The following POU6F2 variants were observed in gnomAD, a reference collection of about 807,000 sequenced individuals.
POU6F2 encodes the protein POU class 6 homeobox 2.
In POU6F2, 31 loss-of-function variants were observed where a neutral mutation model predicts 71.3. The observed-to-expected ratio is 0.43, with a 90% CI of 0.33 to 0.59. The LOEUF (loss-of-function observed/expected upper bound fraction) is 0.59. POU6F2 is among the 20% of genes least tolerant of loss of function. The pLI, the probability that POU6F2 is intolerant of heterozygous loss-of-function variation, is 0.04. For missense variants in POU6F2, 783 were observed against 856.8 expected (o/e 0.91, Z 1.07); for synonymous variants, 347 against 355.7 (o/e 0.98, Z 0.27).
intron 2 of POU6F2, among the ~76,000 whole-genome samples, chr7:39,130,147 GGTGTGTGT>G (rs10600961): frequency 4.4e-4 from 63 of 143,388 alleles, no homozygotes; most frequent in East Asian, 1.6e-3. Flanking sequence ...GAAAGGGGTA[GGTGTGTGT>G]GTGTGTGTGT....
chr7:39,195,089 G>T (rs1236657389), intron 2 of POU6F2, among the ~76,000 whole-genome samples: 1 of 152,174 alleles, frequency 6.6e-6, no homozygotes, highest in Non-Finnish European at 1.5e-5. Flanking sequence ...AGTAGCACAT[G>T]ACAATTAAAA....
At chr7:39,304,326 CT>C (rs1427781452) in intron 4 of POU6F2, among the ~76,000 whole-genome samples, 4 of 152,144 alleles carry the variant, frequency 2.6e-5, no homozygotes, top group African/African-American at 9.7e-5. Context: ...CTCTGGAGAG[CT>C]TTTGAGAATT....
chr7:39,264,711 T>A (rs755921680), intron 4 of POU6F2, among the ~76,000 whole-genome samples: 4 of 152,154 alleles, frequency 2.6e-5, no homozygotes, highest in Admixed American at 6.5e-5. Flanking sequence ...AATAAATAAG[T>A]ACATTCAATA....
chr7:39,165,878 T>G (rs1366777702), intron 2 of POU6F2, among the ~76,000 whole-genome samples: 1 of 152,214 alleles, frequency 6.6e-6, no homozygotes, highest in Non-Finnish European at 1.5e-5. Flanking sequence ...GAGTAAAACT[T>G]TCTCAGTCCC....
At chr7:39,112,919 T>G (rs1211086798) in intron 2 of POU6F2, among the ~76,000 whole-genome samples, 2 of 152,122 alleles carry the variant, frequency 1.3e-5, no homozygotes, top group Non-Finnish European at 2.9e-5. Context: ...AATTAACTAT[T>G]CTTGATTTTT....
chr7:39,338,981 C>T (rs2190887), intron 4 of POU6F2, among the ~76,000 whole-genome samples: 87,035 of 151,850 alleles, frequency 0.57, 25,101 homozygotes, highest in East Asian at 0.74. Flanking sequence ...GCTATCATCC[C>T]TCCAGTTTAG....
chr7:38,987,502 C>T (rs1179749120), intron 1 of POU6F2, among the ~76,000 whole-genome samples: 1 of 152,078 alleles, frequency 6.6e-6, no homozygotes, highest in Non-Finnish European at 1.5e-5. Flanking sequence ...AGAAGAAATT[C>T]ATGGTAATTA....
At chr7:39,204,677 A>G (rs1423334547) in intron 3 of POU6F2, among the ~76,000 whole-genome samples, 1 of 152,150 alleles carries the variant, frequency 6.6e-6, no homozygotes, top group Non-Finnish European at 1.5e-5. Flanking sequence ...AGTTATTTCA[A>G]CCTTACTATA....
At chr7:39,027,640 G>A (rs1584507135) in intron 1 of POU6F2, among the ~76,000 whole-genome samples, 2 of 152,276 alleles carry the variant, frequency 1.3e-5, no homozygotes, top group East Asian at 3.9e-4. Context: ...TGGCATGTGG[G>A]ACAATGTATA....
intron 4 of POU6F2, among the ~76,000 whole-genome samples, chr7:39,278,068 G>A (rs985825350): frequency 1.5e-5 from 2 of 134,184 alleles, no homozygotes; most frequent in Non-Finnish European, 3.2e-5. Context: ...GTGAGACTCC[G>A]TTGAAAGAAA....
chr7:39,251,155 C>CA (rs1211581088), intron 4 of POU6F2, among the ~76,000 whole-genome samples: 2 of 152,162 alleles, frequency 1.3e-5, no homozygotes, highest in African/African-American at 2.4e-5. Flanking sequence ...GGAATCTCTC[C>CA]ATTGCTCAGA....
chr7:39,109,637 G>C (rs990896052), intron 2 of POU6F2, among the ~76,000 whole-genome samples: 2 of 152,134 alleles, frequency 1.3e-5, no homozygotes, highest in Non-Finnish European at 2.9e-5. Flanking sequence ...TGTTTAGTTT[G>C]ATAGTATAAT....
chr7:39,106,967 T>C (rs910039637), intron 2 of POU6F2, among the ~76,000 whole-genome samples: 2 of 152,170 alleles, frequency 1.3e-5, no homozygotes, highest in Non-Finnish European at 2.9e-5. Context: ...TGACCATTGG[T>C]AATTCTTCTG....
At chr7:39,426,700 G>C (rs1322563800) in intron 6 of POU6F2, among the ~76,000 whole-genome samples, 1 of 152,000 alleles carries the variant, frequency 6.6e-6, no homozygotes, top group East Asian at 1.9e-4. Flanking sequence ...CCAAATTTGA[G>C]AGCACAATAT....
intron 4 of POU6F2, among the ~76,000 whole-genome samples, chr7:39,248,799 C>T (rs73380918): frequency 0.12 from 18,539 of 152,116 alleles, 1,612 homozygotes; most frequent in African/African-American, 0.23. Flanking sequence ...TTACGTGTCA[C>T]GTGGGTGGTA....
At chr7:39,132,970 AT>A (rs1792320620) in intron 2 of POU6F2, among the ~76,000 whole-genome samples, 1 of 152,180 alleles carries the variant, frequency 6.6e-6, no homozygotes, top group African/African-American at 2.4e-5. Flanking sequence ...CATCTCCTTG[AT>A]GGTGTATGAG....
chr7:39,397,713 G>C (rs1360293454), intron 5 of POU6F2, among the ~76,000 whole-genome samples: 1 of 149,216 alleles, frequency 6.7e-6, no homozygotes, highest in East Asian at 2.0e-4. Context: ...GGCTGGTCTT[G>C]AACTCCTGAC....
At chr7:39,316,172 G>A (rs1311859415) in intron 4 of POU6F2, among the ~76,000 whole-genome samples, 1 of 152,088 alleles carries the variant, frequency 6.6e-6, no homozygotes, top group Non-Finnish European at 1.5e-5. Context: ...CTATTGACAG[G>A]GTTCAATATT....
At chr7:39,075,908 T>C (rs2128719038) in intron 1 of POU6F2, among the ~76,000 whole-genome samples, 1 of 152,342 alleles carries the variant, frequency 6.6e-6, no homozygotes, top group Admixed American at 6.5e-5. Context: ...GAGACTTTCC[T>C]TTTCCTTTCC....
Sources: gnomAD v4.1 joint callset for allele counts (sites outside exome capture counted in the v4.1 genomes callset) on GRCh38, gnomAD v4.1.1 for gene constraint, MANE v1.5 for transcripts, NCBI Gene and HGNC (gene_info 2026-07-23, HGNC 2026-07-21) for gene names.